Variants in FBXL20 observed in about 807,000 individuals in gnomAD.
The protein encoded by FBXL20 is F-box and leucine rich repeat protein 20.
FBXL20 carries 11 observed loss-of-function variants against 64.0 expected under a neutral mutation model. The ratio of observed to expected loss-of-function variants is 0.17; its 90% CI spans 0.11 to 0.28. The LOEUF (loss-of-function observed/expected upper bound fraction) is 0.28, where lower values mean the gene tolerates loss of function less well. Among genes scored for constraint, FBXL20 ranks in the 10% least tolerant of loss-of-function variants. FBXL20 has a pLI of 1.00. For missense variants in FBXL20, 303 were observed against 526.2 expected (o/e 0.58, Z 4.15); for synonymous variants, 184 against 189.0 (o/e 0.97, Z 0.22).
intron 1 of FBXL20, among the ~76,000 whole-genome samples, chr17:39,400,264 T>G (rs1046885579): frequency 1.3e-5 from 2 of 152,206 alleles, no homozygotes; most frequent in Admixed American, 6.5e-5. Context: ...ATTCAAATTA[T>G]TTCCCAGTTC....
chr17:39,282,453 C>A (rs1280634316), intron 8 of FBXL20, among the ~76,000 whole-genome samples: 2 of 152,184 alleles, frequency 1.3e-5, no homozygotes, highest in Middle Eastern at 3.2e-3. Context: ...ACAAATTAAA[C>A]TGCATGGAAC....
chr17:39,281,663 C>T (rs1421794817), intron 8 of FBXL20, among the ~76,000 whole-genome samples, 200 bp from the exon 9 acceptor site: 2 of 152,066 alleles, frequency 1.3e-5, no homozygotes, highest in Non-Finnish European at 2.9e-5. Context: ...TCAGCTTTGA[C>T]CACATTCAAA....
intron 12 of FBXL20, 134 bp downstream of exon 12, chr17:39,268,689 CCTTA>C (rs1347533219): frequency 1.7e-5 from 11 of 665,850 alleles, no homozygotes; most frequent in Non-Finnish European, 2.8e-5. Context: ...CTGGAAGATA[CCTTA>C]CTTAATGGGG....
At chr17:39,332,536 C>CTTTTTTTTTTTTT (rs58827473) in intron 2 of FBXL20, among the ~76,000 whole-genome samples, 1 of 96,964 alleles carries the variant, frequency 1.0e-5, no homozygotes, top group Admixed American at 1.3e-4. Flanking sequence ...TTCTTTGTAT[C>CTTTTTTTTTTTTT]TTTTTTTTTT....
intron 2 of FBXL20, among the ~76,000 whole-genome samples, chr17:39,321,762 A>C (rs1361517693): frequency 1.3e-5 from 2 of 151,424 alleles, no homozygotes; most frequent in African/African-American, 2.4e-5. Context: ...CCTGGGCAAC[A>C]AGAGTGAAAT....
chr17:39,271,897 C>T (rs972844431), intron 10 of FBXL20, among the ~76,000 whole-genome samples: 1 of 152,062 alleles, frequency 6.6e-6, no homozygotes, highest in Non-Finnish European at 1.5e-5. Flanking sequence ...ATTCTTACTA[C>T]TGAAGTTGAA....
chr17:39,307,434 G>T (rs916267388), intron 2 of FBXL20, among the ~76,000 whole-genome samples: 1 of 152,128 alleles, frequency 6.6e-6, no homozygotes, highest in South Asian at 2.1e-4. Flanking sequence ...TCCAGTAGAC[G>T]AAATAGTGGG....
At chr17:39,265,244 T>G (rs2046780492) in intron 13 of FBXL20, among the ~76,000 whole-genome samples, 153 bp downstream of exon 13, 2 of 152,210 alleles carry the variant, frequency 1.3e-5, no homozygotes, top group African/African-American at 2.4e-5. Context: ...CCTACTTCAC[T>G]CATGTACTCC....
intron 1 of FBXL20, among the ~76,000 whole-genome samples, chr17:39,370,577 G>A (rs2047907242): frequency 2.0e-5 from 3 of 151,404 alleles, no homozygotes; most frequent in Admixed American, 1.3e-4. Flanking sequence ...ACAAGGTCAG[G>A]AGATCGAGAC....
At chr17:39,392,457 A>G (rs935599233) in intron 1 of FBXL20, among the ~76,000 whole-genome samples, 1 of 149,270 alleles carries the variant, frequency 6.7e-6, no homozygotes. Flanking sequence ...AAAAAAAAAG[A>G]AAAGAAAACA....
intron 1 of FBXL20, among the ~76,000 whole-genome samples, chr17:39,356,822 ATT>A (rs36030405): frequency 6.9e-6 from 1 of 145,238 alleles, no homozygotes; most frequent in African/African-American, 2.5e-5. Context: ...CACCTGGCTA[ATT>A]TTTTTTTTTT....
At chr17:39,309,990 AC>A in intron 2 of FBXL20, among the ~76,000 whole-genome samples, 1 of 151,688 alleles carries the variant, frequency 6.6e-6, no homozygotes, top group Middle Eastern at 3.4e-3. Flanking sequence ...CCATGTCTCT[AC>A]AAAAAATACA....
At chr17:39,295,211 TAA>T (rs1203335292) in intron 6 of FBXL20, among the ~76,000 whole-genome samples, 5 of 152,216 alleles carry the variant, frequency 3.3e-5, no homozygotes, top group Non-Finnish European at 1.5e-5. Context: ...TTTTCATATT[TAA>T]AAAAAGTCAG....
At chr17:39,350,535 A>AG (rs1491281566) in intron 1 of FBXL20, among the ~76,000 whole-genome samples, 1 of 150,988 alleles carries the variant, frequency 6.6e-6, no homozygotes, top group African/African-American at 2.5e-5. Flanking sequence ...AAAAAAAAAA[A>AG]CATAGCTAAT....
chr17:39,272,712 AAAAAAAAAAG>A (rs1388728704), intron 10 of FBXL20, among the ~76,000 whole-genome samples: 133 of 150,744 alleles, frequency 8.8e-4, no homozygotes, highest in Admixed American at 2.5e-3. Flanking sequence ...AAAAAAAAAA[AAAAAAAAAAG>A]AAAGAAAGAA....
Position 39,303,501 on chromosome 17 carries a change from A to G in FBXL20, c.159+84T>C, listed in dbSNP as rs1402926543. ...ACATGAAAACATACAAGTAACACCT[A>G]AAATAAATGGATGGCCTATGAAAGA... On this transcript the variant is annotated intron_variant, in intron 3 of 14. Coordinates refer to ENST00000264658, the MANE Select transcript of FBXL20 (RefSeq NM_032875.3). 4 of 1,152,918 alleles carry G rather than the reference A, an allele frequency of 3.5e-6. No homozygotes were observed. In the East Asian group the frequency reaches 9.9e-5, roughly 29 times the overall value. 71.4% of individuals were successfully genotyped at this position (1,152,918 alleles called of 1,614,324 possible).
At chr17:39,385,645 A>G (rs2048070696) in intron 1 of FBXL20, among the ~76,000 whole-genome samples, 1 of 152,198 alleles carries the variant, frequency 6.6e-6, no homozygotes, top group Admixed American at 6.6e-5. Context: ...CTTAACTAAA[A>G]TAATGGTAAC....
chr17:39,398,006 G>A (rs1245763793), intron 1 of FBXL20, among the ~76,000 whole-genome samples: 5 of 141,158 alleles, frequency 3.5e-5, no homozygotes, highest in East Asian at 4.3e-4. Context: ...GGTGGCTCAC[G>A]CCTGTAATCC....
intron 2 of FBXL20, among the ~76,000 whole-genome samples, chr17:39,339,060 CAGG>C (rs1002841004): frequency 3.1e-4 from 46 of 149,230 alleles, no homozygotes; most frequent in Admixed American, 4.8e-4. Flanking sequence ...CCCAGCCACT[CAGG>C]AGGACGAGGC....
Sources: allele counts gnomAD v4.1 joint callset (sites outside exome capture counted in the v4.1 genomes callset), GRCh38; gene constraint gnomAD v4.1.1; transcripts MANE v1.5; gene names NCBI Gene and HGNC (gene_info 2026-07-23, HGNC 2026-07-21).